SIK3: variants seen among roughly 807,000 people sequenced by gnomAD.
SIK3 encodes the protein serine/threonine-protein kinase SIK3.
In SIK3, 28 loss-of-function variants were observed where a neutral mutation model predicts 144.2. That is an observed-to-expected ratio of 0.19 (90% CI 0.14 to 0.27). The LOEUF (loss-of-function observed/expected upper bound fraction) is 0.27. SIK3 is among the 10% of genes least tolerant of loss of function. The pLI, the probability that SIK3 is intolerant of heterozygous loss-of-function variation, is 1.00. For missense variants in SIK3, 1,319 were observed against 1,776.0 expected, an observed-to-expected ratio of 0.74 and a Z score of 4.62; for synonymous variants, 686 against 676.3, an observed-to-expected ratio of 1.01 and a Z score of -0.22.
intron 4 of SIK3, among the ~76,000 whole-genome samples, chr11:116,910,439 T>G (rs1402830832): frequency 6.6e-6 from 1 of 152,198 alleles, no homozygotes; most frequent in Non-Finnish European, 1.5e-5. Context: ...ATTTTTTTTC[T>G]GATTATAATC....
At chr11:116,975,529 C>G (rs1949917613) in intron 1 of SIK3, among the ~76,000 whole-genome samples, 1 of 152,198 alleles carries the variant, frequency 6.6e-6, no homozygotes, top group African/African-American at 2.4e-5. Context: ...CACCTTGCAG[C>G]ATGTATCAGT....
intron 1 of SIK3, among the ~76,000 whole-genome samples, chr11:117,061,952 T>C (rs1178376696): frequency 6.6e-6 from 1 of 151,954 alleles, no homozygotes; most frequent in East Asian, 1.9e-4. Context: ...ATAAAGAGTG[T>C]ATGTTAATAT....
intron 1 of SIK3, among the ~76,000 whole-genome samples, chr11:117,040,044 CT>C (rs778137734): frequency 7.4e-4 from 112 of 152,300 alleles, no homozygotes; most frequent in Middle Eastern, 6.8e-3. Flanking sequence ...TTCTTAGTCA[CT>C]GAAAACATTA....
intron 1 of SIK3, among the ~76,000 whole-genome samples, chr11:116,999,397 T>C (rs530554580): frequency 6.6e-6 from 1 of 152,076 alleles, no homozygotes; most frequent in South Asian, 2.1e-4. Flanking sequence ...CTAAAAAAAA[T>C]TTTTTTAATC....
intron 1 of SIK3, among the ~76,000 whole-genome samples, chr11:117,055,840 T>A (rs113712529): frequency 6.6e-6 from 1 of 152,244 alleles, no homozygotes; most frequent in African/African-American, 2.4e-5. Flanking sequence ...AGTTACTCCC[T>A]TTTTGCCCTT....
chr11:117,026,284 C>T (rs1952005665), intron 1 of SIK3, among the ~76,000 whole-genome samples: 1 of 152,112 alleles, frequency 6.6e-6, no homozygotes, highest in Non-Finnish European at 1.5e-5. Flanking sequence ...CCACATAGCC[C>T]TAGGTGGGTA....
intron 23 of SIK3, 103 bp downstream of exon 23, chr11:116,847,373 C>A: frequency 6.7e-7 from 1 of 1,503,178 alleles, no homozygotes. Flanking sequence ...TGTGGCTCTA[C>A]CTCCCCATGA....
intron 3 of SIK3, among the ~76,000 whole-genome samples, chr11:116,944,341 C>A (rs1401437805): frequency 6.6e-6 from 1 of 152,096 alleles, no homozygotes; most frequent in Non-Finnish European, 1.5e-5. Flanking sequence ...TGGGATTCGC[C>A]ACACCCATAT....
intron 1 of SIK3, among the ~76,000 whole-genome samples, chr11:117,085,366 A>C (rs1192806634): frequency 1.3e-5 from 2 of 152,132 alleles, no homozygotes; most frequent in Non-Finnish European, 2.9e-5. Context: ...GCCTCAAGCG[A>C]TCCACCTACC....
intron 1 of SIK3, among the ~76,000 whole-genome samples, chr11:117,061,455 A>G (rs1438750861): frequency 6.6e-6 from 1 of 152,142 alleles, no homozygotes; most frequent in Non-Finnish European, 1.5e-5. Flanking sequence ...GGTAAGTTAT[A>G]AACTTCTCTA....
At chr11:116,947,141 T>C (rs549030079) in intron 3 of SIK3, among the ~76,000 whole-genome samples, 4 of 139,830 alleles carry the variant, frequency 2.9e-5, no homozygotes, top group African/African-American at 1.1e-4. Context: ...TATAAATTAT[T>C]ATTTATATAT....
chr11:117,023,414 ATTTTT>A (rs59626113), intron 1 of SIK3, among the ~76,000 whole-genome samples: 3 of 138,670 alleles, frequency 2.2e-5, no homozygotes, highest in South Asian at 2.3e-4. Context: ...ACACCTGATG[ATTTTT>A]TTTTTTTTTT....
intron 4 of SIK3, among the ~76,000 whole-genome samples, chr11:116,925,152 G>A (rs371607275): frequency 4.6e-5 from 7 of 152,018 alleles, no homozygotes; most frequent in South Asian, 2.1e-4. Flanking sequence ...ATAGAAGCGC[G>A]CACCTGTAGT....
chr11:116,910,817 G>GAAC (rs1050526500), intron 4 of SIK3, among the ~76,000 whole-genome samples: 1 of 151,820 alleles, frequency 6.6e-6, no homozygotes, highest in African/African-American at 2.4e-5. Context: ...TGAAAAACAA[G>GAAC]AACAACAACA....
intron 1 of SIK3, among the ~76,000 whole-genome samples, chr11:117,060,597 CA>C (rs367663538): frequency 0.035 from 3,414 of 96,818 alleles, 52 homozygotes; most frequent in Non-Finnish European, 0.051. Context: ...AACTCCATCT[CA>C]AAAAAAAAAA....
chr11:117,095,919 T>C (rs751756006), intron 1 of SIK3, among the ~76,000 whole-genome samples: 14 of 152,182 alleles, frequency 9.2e-5, no homozygotes, highest in Non-Finnish European at 1.0e-4. Flanking sequence ...TTTCCATACA[T>C]AGGAATTGCA....
At chr11:117,069,414 T>C (rs12575299) in intron 1 of SIK3, among the ~76,000 whole-genome samples, 18 of 152,146 alleles carry the variant, frequency 1.2e-4, no homozygotes, top group African/African-American at 4.1e-4. Flanking sequence ...AAAAGGTAAG[T>C]ACTTTTTGTC....
intron 6 of SIK3, among the ~76,000 whole-genome samples, chr11:116,892,071 C>T (rs1002703879): frequency 1.3e-5 from 2 of 152,138 alleles, no homozygotes; most frequent in African/African-American, 2.4e-5. Flanking sequence ...GACTTCAATA[C>T]ATGAAAGTGA....
chr11:117,078,990 TAAA>T (rs35578594), intron 1 of SIK3, among the ~76,000 whole-genome samples: 1 of 146,482 alleles, frequency 6.8e-6, no homozygotes, highest in African/African-American at 2.5e-5. Flanking sequence ...TATGATATCC[TAAA>T]AAAAAAAAAA....
Sources: allele counts gnomAD v4.1 joint callset (sites outside exome capture counted in the v4.1 genomes callset), GRCh38; gene constraint gnomAD v4.1.1; transcripts MANE v1.5; gene names NCBI Gene and HGNC (gene_info 2026-07-23, HGNC 2026-07-21).